Variants in PRKN observed in about 807,000 individuals in gnomAD.
PRKN encodes the protein E3 ubiquitin-protein ligase parkin.
PRKN carries 56 observed loss-of-function variants against 59.5 expected under a neutral mutation model. That is an observed-to-expected ratio of 0.94 (90% CI 0.76 to 1.18). PRKN has a LOEUF of 1.18. Ranked by LOEUF, PRKN falls within the 50% of genes most tolerant of loss-of-function variation. The probability of loss-of-function intolerance (pLI) is 0.00; values close to 1 mark genes in which losing one functional copy is unlikely to be tolerated. For missense variants in PRKN, 657 were observed against 596.4 expected (o/e 1.10, Z -1.06); for synonymous variants, 250 against 222.1 (o/e 1.13, Z -1.12).
intron 4 of PRKN, among the ~76,000 whole-genome samples, chr6:162,144,518 T>C (rs1781927658): frequency 6.6e-6 from 1 of 152,250 alleles, no homozygotes. Context: ...TGTAGGTTTA[T>C]GGTGCTCCGA....
At chr6:162,001,055 T>G (rs1562448840) in intron 5 of PRKN, among the ~76,000 whole-genome samples, 1 of 152,046 alleles carries the variant, frequency 6.6e-6, no homozygotes, top group Non-Finnish European at 1.5e-5. Flanking sequence ...TTTTGTATAG[T>G]TAAGCCTTAA....
chr6:161,437,151 C>G (rs561118474), intron 9 of PRKN, among the ~76,000 whole-genome samples: 1 of 152,274 alleles, frequency 6.6e-6, no homozygotes, highest in Non-Finnish European at 1.5e-5. Flanking sequence ...AACAGTGCTA[C>G]AGCAGAGCAG....
At chr6:161,647,412 C>T (rs1305698970) in intron 7 of PRKN, among the ~76,000 whole-genome samples, 2 of 152,198 alleles carry the variant, frequency 1.3e-5, no homozygotes, top group Non-Finnish European at 2.9e-5. Flanking sequence ...GGTCTCTGAG[C>T]AGCCATCGTG....
intron 5 of PRKN, among the ~76,000 whole-genome samples, chr6:162,003,150 A>G (rs959470228): frequency 6.6e-6 from 1 of 151,522 alleles, no homozygotes; most frequent in Non-Finnish European, 1.5e-5. Context: ...AATGGCTGCA[A>G]TGAGAAAATC....
At chr6:162,338,468 G>C (rs924883757) in intron 2 of PRKN, among the ~76,000 whole-genome samples, 1 of 152,160 alleles carries the variant, frequency 6.6e-6, no homozygotes, top group Non-Finnish European at 1.5e-5. Flanking sequence ...TGGCCGGGCC[G>C]GTCTCCAGCC....
chr6:162,711,654 G>A (rs776613225), intron 1 of PRKN, among the ~76,000 whole-genome samples: 1 of 152,164 alleles, frequency 6.6e-6, no homozygotes, highest in East Asian at 1.9e-4. Flanking sequence ...GCAACTCAGT[G>A]ACACTATGTG....
At chr6:162,670,204 G>A (rs1174959672) in intron 1 of PRKN, among the ~76,000 whole-genome samples, 2 of 152,154 alleles carry the variant, frequency 1.3e-5, no homozygotes, top group African/African-American at 4.8e-5. Flanking sequence ...CAGGGAGATA[G>A]AAAACATTTA....
At chr6:161,744,513 A>G (rs1173958970) in intron 7 of PRKN, among the ~76,000 whole-genome samples, 1 of 152,142 alleles carries the variant, frequency 6.6e-6, no homozygotes, top group Non-Finnish European at 1.5e-5. Flanking sequence ...CGGTTGCTCC[A>G]TGGCCCAGGG....
chr6:162,705,085 T>C (rs1048351782), intron 1 of PRKN, among the ~76,000 whole-genome samples: 1 of 152,196 alleles, frequency 6.6e-6, no homozygotes, highest in Non-Finnish European at 1.5e-5. Context: ...GTTAAAATAG[T>C]AAGAGACTTT....
intron 4 of PRKN, among the ~76,000 whole-genome samples, chr6:162,092,473 T>C (rs1233114124): frequency 6.6e-6 from 1 of 152,232 alleles, no homozygotes; most frequent in Non-Finnish European, 1.5e-5. Context: ...TTTTAAATCA[T>C]TCACAATTGA....
intron 2 of PRKN, among the ~76,000 whole-genome samples, chr6:162,311,784 C>T (rs1341473654): frequency 6.6e-6 from 1 of 152,024 alleles, no homozygotes; most frequent in Non-Finnish European, 1.5e-5. Flanking sequence ...TCTCTCCTGC[C>T]TGGTCATAGG....
intron 6 of PRKN, among the ~76,000 whole-genome samples, chr6:161,844,848 C>T (rs916562563): frequency 1.3e-5 from 2 of 152,220 alleles, no homozygotes; most frequent in African/African-American, 4.8e-5. Flanking sequence ...TGATGTCAGC[C>T]GTGGAGTTGG....
chr6:162,013,752 TGAC>T (rs1454929144), intron 5 of PRKN, among the ~76,000 whole-genome samples: 2 of 152,128 alleles, frequency 1.3e-5, no homozygotes, highest in Non-Finnish European at 2.9e-5. Context: ...GTTATAGAAA[TGAC>T]AACTCAGAAC....
intron 2 of PRKN, among the ~76,000 whole-genome samples, chr6:162,391,324 C>T (rs1787177610): frequency 1.3e-5 from 2 of 148,950 alleles, no homozygotes; most frequent in South Asian, 4.3e-4. Context: ...GCATGCTTGA[C>T]GTGGATTTCG....
chr6:162,059,018 T>A (rs1424922347), intron 4 of PRKN, among the ~76,000 whole-genome samples: 2 of 151,464 alleles, frequency 1.3e-5, no homozygotes, highest in Non-Finnish European at 2.9e-5. Context: ...TAGGGCCCAG[T>A]TATATTTTGC....
In PRKN at chr6:161,973,154, A is replaced by T. The variant is rs564657492; in HGVS notation, c.734+148T>A. On this transcript the variant is annotated intron_variant, in intron 6 of 11. Coordinates refer to ENST00000366898, the MANE Select transcript of PRKN (RefSeq NM_004562.3). ...CAAATTGGGCAGACGCATCAAAATA[A>T]AGCAGACACTCCCCAGGAAAGAGAG... 4 of 674,512 alleles carry T rather than the reference A, an allele frequency of 5.9e-6. No individual in the cohort carries two copies. In the East Asian group the frequency reaches 1.1e-4, roughly 18 times the overall value. 41.8% of individuals were successfully genotyped at this position (674,512 alleles called of 1,614,324 possible).
At chr6:161,815,170 G>A (rs556490798) in intron 6 of PRKN, among the ~76,000 whole-genome samples, 71 of 152,306 alleles carry the variant, frequency 4.7e-4, no homozygotes, top group African/African-American at 1.5e-3. Flanking sequence ...ACTGCAAGTG[G>A]CAGCCGTTAC....
At chr6:161,826,775 A>G (rs1380684239) in intron 6 of PRKN, among the ~76,000 whole-genome samples, 1 of 152,256 alleles carries the variant, frequency 6.6e-6, no homozygotes, top group Admixed American at 6.5e-5. Context: ...CCAATTCAAC[A>G]GAGAGGCATG....
intron 7 of PRKN, among the ~76,000 whole-genome samples, chr6:161,687,281 C>T (rs933332912): frequency 1.4e-5 from 2 of 144,288 alleles, no homozygotes; most frequent in East Asian, 2.2e-4. Context: ...CCCAGCTACT[C>T]GGGAGGCTGA....
Sources: gnomAD v4.1 joint callset for allele counts (sites outside exome capture counted in the v4.1 genomes callset) on GRCh38, gnomAD v4.1.1 for gene constraint, MANE v1.5 for transcripts, NCBI Gene and HGNC (gene_info 2026-07-23, HGNC 2026-07-21) for gene names.